Variants in LIMCH1 observed in about 807,000 individuals in gnomAD.
LIMCH1 encodes the protein LIM and calponin homology domains 1.
LIMCH1 carries 113 observed loss-of-function variants against 176.5 expected under a neutral mutation model. The observed-to-expected ratio is 0.64, with a 90% CI of 0.55 to 0.75. The LOEUF (loss-of-function observed/expected upper bound fraction) is 0.75, where lower values mean the gene tolerates loss of function less well. Among genes scored for constraint, LIMCH1 ranks in the 30% least tolerant of loss-of-function variants. The pLI is 0.00. For missense variants in LIMCH1, 1,674 were observed against 1,814.9 expected (o/e 0.92, Z 1.41); for synonymous variants, 619 against 645.9 (o/e 0.96, Z 0.63).
At chr4:41,684,629 G>A in intron 27 of LIMCH1, 111 bp downstream of exon 27, 1 of 1,227,236 alleles carries the variant, frequency 8.1e-7, no homozygotes, top group African/African-American at 1.5e-5. Flanking sequence ...TAAGGGCCCT[G>A]GACTTCTAGC....
At chr4:41,568,832 T>G (rs943288504) in intron 1 of LIMCH1, among the ~76,000 whole-genome samples, 1 of 152,222 alleles carries the variant, frequency 6.6e-6, no homozygotes, top group Non-Finnish European at 1.5e-5. Flanking sequence ...GACATGTTAT[T>G]TACCTCTCTA....
At chr4:41,679,896 C>G (rs1714223332) in intron 23 of LIMCH1, 110 bp from the exon 24 acceptor site, 1 of 643,220 alleles carries the variant, frequency 1.6e-6, no homozygotes, top group Non-Finnish European at 2.7e-6. Context: ...AGAATCCTAA[C>G]AAGAAGAAGA....
rs914494089 is a variant in LIMCH1, at chr4:41,512,861, A to G, written c.168-11548A>G. Among the ~76,000 whole-genome samples, 3 of 152,220 alleles carry G rather than the reference A, an allele frequency of 2.0e-5. No individual in the cohort carries two copies. The East Asian group carries it at 5.8e-4, about 29-fold the overall frequency. Reference sequence around the variant, plus strand: ...TGCATAATCCTGTGAATGTACAAAAATATTGAATTCTACATTTTCAGTGGG... The same window carrying G: ...TGCATAATCCTGTGAATGTACAAAAGTATTGAATTCTACATTTTCAGTGGG... On this transcript the variant is annotated intron_variant, in intron 2 of 26. Transcript: ENST00000313860.
chr4:41,481,527 C>G (rs6844857), intron 1 of LIMCH1, among the ~76,000 whole-genome samples: 24,578 of 152,104 alleles, frequency 0.16, 2,922 homozygotes, highest in African/African-American at 0.34. Flanking sequence ...AGAAAGATCC[C>G]TGGATGCTGT....
chr4:41,407,269 C>T (rs1481982162), intron 1 of LIMCH1, among the ~76,000 whole-genome samples: 1 of 152,204 alleles, frequency 6.6e-6, no homozygotes, highest in Non-Finnish European at 1.5e-5. Context: ...TACTTTGTCA[C>T]CCAGGCTGGA....
At chr4:41,634,939 G>T (rs1015018291) in intron 13 of LIMCH1, among the ~76,000 whole-genome samples, 1 of 152,052 alleles carries the variant, frequency 6.6e-6, no homozygotes, top group East Asian at 1.9e-4. Flanking sequence ...CTGGATCCGC[G>T]GGCTTCTGTA....
chr4:41,427,470 C>T (rs868218465), intron 1 of LIMCH1, among the ~76,000 whole-genome samples: 12 of 152,200 alleles, frequency 7.9e-5, no homozygotes, highest in Non-Finnish European at 1.2e-4. Flanking sequence ...TATCCTACTG[C>T]CCTCTCCCTG....
intron 7 of LIMCH1, among the ~76,000 whole-genome samples, chr4:41,622,970 TA>T (rs2092692208): frequency 6.6e-6 from 1 of 152,188 alleles, no homozygotes; most frequent in South Asian, 2.1e-4. Context: ...ATTCATTTGT[TA>T]GGCAGATTTT....
chr4:41,695,605 A>C (rs1044277367), intron 31 of LIMCH1, among the ~76,000 whole-genome samples: 6 of 152,028 alleles, frequency 3.9e-5, no homozygotes, highest in Admixed American at 3.9e-4. Flanking sequence ...TAGCTTCATA[A>C]TATGTTTTAA....
At chr4:41,650,326 G>A in intron 17 of LIMCH1, 67 bp from the exon 18 acceptor site, 1 of 1,116,058 alleles carries the variant, frequency 9.0e-7, no homozygotes, top group Non-Finnish European at 1.3e-6. Context: ...TTCTGAACGT[G>A]TCGTTTTGTT....
chr4:41,502,999 G>GTCCATCCATCCA (rs751124176), intron 2 of LIMCH1, among the ~76,000 whole-genome samples: 30,922 of 137,982 alleles, frequency 0.22, 4,209 homozygotes, highest in East Asian at 0.36. Context: ...TGGTCTGTCT[G>GTCCATCCATCCA]TCCATCCATC....
chr4:41,661,932 G>A (rs1239066522), intron 19 of LIMCH1: 2 of 414,926 alleles, frequency 4.8e-6, no homozygotes, highest in East Asian at 7.4e-5. Flanking sequence ...ATAGTGCCAT[G>A]AATCTGGACA....
chr4:41,682,544 T>C (rs1045959878), intron 26 of LIMCH1, 84 bp downstream of exon 26: 2 of 1,323,862 alleles, frequency 1.5e-6, no homozygotes, highest in Non-Finnish European at 2.1e-6. Flanking sequence ...TCATTGCTGA[T>C]GCAAATTACA....
At chr4:41,438,313 A>G (rs2062311200) in intron 1 of LIMCH1, among the ~76,000 whole-genome samples, 1 of 152,184 alleles carries the variant, frequency 6.6e-6, no homozygotes, top group Non-Finnish European at 1.5e-5. Context: ...GTAGTGGAGC[A>G]AAGACTCATA....
chr4:41,670,755 G>A (rs1359457370), intron 21 of LIMCH1: 2 of 1,535,964 alleles, frequency 1.3e-6, no homozygotes, highest in South Asian at 2.4e-5. Context: ...TTAGAGTTCA[G>A]AACTCTTGGC....
intron 3 of LIMCH1, among the ~76,000 whole-genome samples, chr4:41,532,884 A>T (rs1357655101): frequency 1.3e-5 from 2 of 152,110 alleles, no homozygotes; most frequent in African/African-American, 4.8e-5. Context: ...TTATCATCTC[A>T]TTGTTCTCAT....
At chr4:41,546,978 ATCT>A (rs1468213925) in intron 1 of LIMCH1, among the ~76,000 whole-genome samples, 8 of 152,162 alleles carry the variant, frequency 5.3e-5, no homozygotes, top group Non-Finnish European at 1.2e-4. Flanking sequence ...TTTTCTTTGC[ATCT>A]TCTTCTTCCT....
intron 18 of LIMCH1, among the ~76,000 whole-genome samples, chr4:41,655,215 T>C (rs1181663749): frequency 1.3e-5 from 2 of 152,204 alleles, no homozygotes; most frequent in African/African-American, 4.8e-5. Context: ...TCATACACTA[T>C]ATCAAAGGTC....
intron 1 of LIMCH1, among the ~76,000 whole-genome samples, chr4:41,547,775 CATATA>C (rs2079719061): frequency 1.4e-5 from 2 of 138,952 alleles, no homozygotes; most frequent in Non-Finnish European, 3.1e-5. Context: ...TATAAACATA[CATATA>C]ATATACATAT....
Sources: gnomAD v4.1 joint callset for allele counts (sites outside exome capture counted in the v4.1 genomes callset) on GRCh38, gnomAD v4.1.1 for gene constraint, MANE v1.5 for transcripts, NCBI Gene and HGNC (gene_info 2026-07-23, HGNC 2026-07-21) for gene names.